The following CPN1 variants were observed in gnomAD, a reference collection of about 807,000 sequenced individuals.
CPN1 encodes carboxypeptidase N catalytic chain.
A neutral mutation model predicts 46.4 loss-of-function variants in CPN1; 37 were observed. The ratio of observed to expected loss-of-function variants is 0.80; its 90% CI spans 0.61 to 1.05. CPN1 has a LOEUF of 1.05. CPN1 is among the 50% of genes least tolerant of loss of function. The pLI, the probability that CPN1 is intolerant of heterozygous loss-of-function variation, is 0.00. For synonymous variants in CPN1, 224 were observed against 235.4 expected, an observed-to-expected ratio of 0.95 and a Z score of 0.44; for missense variants, 563 against 602.6, an observed-to-expected ratio of 0.93 and a Z score of 0.69.
intron 8 of CPN1, among the ~76,000 whole-genome samples, chr10:100,044,558 T>C (rs533803063): frequency 6.6e-6 from 1 of 152,028 alleles, no homozygotes; most frequent in South Asian, 2.1e-4. Flanking sequence ...AACTGTTTTG[T>C]AGAGATATGA....
intron 5 of CPN1, among the ~76,000 whole-genome samples, chr10:100,061,302 G>C (rs2041416156): frequency 6.6e-6 from 1 of 152,134 alleles, no homozygotes; most frequent in South Asian, 2.1e-4. Context: ...ATTACACATT[G>C]CATGCCTGTA....
At chr10:100,051,639 T>C (rs1474466023) in intron 7 of CPN1, among the ~76,000 whole-genome samples, 3 of 151,982 alleles carry the variant, frequency 2.0e-5, no homozygotes, top group African/African-American at 7.2e-5. Flanking sequence ...GCGATTCTCC[T>C]GCCTCAGCCT....
intron 3 of CPN1, among the ~76,000 whole-genome samples, chr10:100,068,885 C>T (rs945273453): frequency 2.0e-5 from 3 of 152,148 alleles, no homozygotes; most frequent in Non-Finnish European, 4.4e-5. Context: ...CAGCTTATCA[C>T]GAGTAAGACA....
chr10:100,053,427 C>A (rs897323402), intron 7 of CPN1, among the ~76,000 whole-genome samples: 6 of 152,070 alleles, frequency 3.9e-5, no homozygotes, highest in African/African-American at 1.2e-4. Context: ...AGCTTGAAAC[C>A]AGCCTGGGCA....
intron 5 of CPN1, among the ~76,000 whole-genome samples, chr10:100,059,194 T>C (rs1490455013): frequency 6.6e-6 from 1 of 152,030 alleles, no homozygotes; most frequent in Non-Finnish European, 1.5e-5. Context: ...AGATTAGACT[T>C]CATGAAAATG....
intron 3 of CPN1, 30 bp downstream of exon 3, chr10:100,069,684 C>A: frequency 1.2e-6 from 2 of 1,613,718 alleles, no homozygotes; most frequent in Non-Finnish European, 1.7e-6. Context: ...TGCTGATTTA[C>A]CTGCTTTGTT....
In CPN1 at chr10:100,047,824, A is replaced by T. The variant is rs1406974538; in HGVS notation, c.1230+934T>A. 1.8e-4 allele frequency among the ~76,000 whole-genome samples: 9 copies of T among 50,242 alleles called. No individual in the cohort carries two copies. In the South Asian group the frequency reaches 2.2e-3, roughly 12 times the overall value. 33.0% of individuals were successfully genotyped at this position (50,242 alleles called of 152,430 possible). Reference sequence around the variant, plus strand: ...AACATGGAAAAACCCCATTTCTACTAAAAAAAACCCACCAAAAATTAGCCA... The same window carrying T: ...AACATGGAAAAACCCCATTTCTACTTAAAAAAACCCACCAAAAATTAGCCA... On this transcript the variant is annotated intron_variant, in intron 8 of 8. Coordinates refer to ENST00000370418, the MANE Select transcript of CPN1 (RefSeq NM_001308.3).
intron 2 of CPN1, among the ~76,000 whole-genome samples, chr10:100,072,249 C>T (rs1283384595): frequency 6.6e-6 from 1 of 152,140 alleles, no homozygotes; most frequent in Non-Finnish European, 1.5e-5. Flanking sequence ...GATCATGGCT[C>T]ACTGCAGCCT....
intron 5 of CPN1, among the ~76,000 whole-genome samples, chr10:100,060,431 A>G (rs761275510): frequency 1.1e-4 from 17 of 151,990 alleles, no homozygotes; most frequent in Non-Finnish European, 2.2e-4. Context: ...GTGTGGTGGC[A>G]GGTCCCTGTA....
At chr10:100,054,088 A>G (rs1212705605) in intron 7 of CPN1, among the ~76,000 whole-genome samples, 1 of 152,216 alleles carries the variant, frequency 6.6e-6, no homozygotes, top group Non-Finnish European at 1.5e-5. Context: ...CATTTACATC[A>G]GTCTTTCCTG....
intron 5 of CPN1, among the ~76,000 whole-genome samples, chr10:100,057,573 T>A (rs1175207207): frequency 6.6e-6 from 1 of 152,020 alleles, no homozygotes; most frequent in Non-Finnish European, 1.5e-5. Context: ...TATTTGGAGG[T>A]TGGGACCAGT....
rs2041464043 is a variant in CPN1, at chr10:100,068,016, G to A, written c.576+1698C>T. Among the ~76,000 whole-genome samples the A allele has an allele frequency of 2.6e-5, 4 of 151,858 alleles. No homozygotes were observed. In the South Asian group the frequency reaches 8.3e-4, roughly 32 times the overall value. Reference sequence around the variant, plus strand: ...AAAATACAAAAATTGGCCAGGGGTGGTGGCACGTGCCTGTAATCCCAGCTA... The same window carrying A: ...AAAATACAAAAATTGGCCAGGGGTGATGGCACGTGCCTGTAATCCCAGCTA... On this transcript the variant is annotated intron_variant, in intron 3 of 8. Transcript: ENST00000370418.
intron 1 of CPN1, among the ~76,000 whole-genome samples, chr10:100,078,983 T>C (rs1211025514): frequency 1.3e-5 from 2 of 152,218 alleles, no homozygotes; most frequent in Non-Finnish European, 2.9e-5. Flanking sequence ...CTCCAGAGCA[T>C]TGCCTTTGCT....
chr10:100,057,060 G>A lies in CPN1; in HGVS notation c.964C>T (p.Arg322Trp), dbSNP rs201387563. The change falls in exon 6 of 9, where the codon CGG (arginine) becomes TGG (tryptophan). Residue 322 changes from arginine (R) to tryptophan (W), a missense_variant. Physicochemically the swap from Arg to Trp is moderately radical, Grantham distance 101 (BLOSUM62 -3). Transcript: ENST00000370418. ...DKFPPEEELQ[R>W]EWLGNREALI... Reference sequence around the variant, plus strand: ...GCTTCCCGATTACCCAGCCACTCCCGCTGTAACTCCTCTTCGGGGGGAAAC... The same window carrying A: ...GCTTCCCGATTACCCAGCCACTCCCACTGTAACTCCTCTTCGGGGGGAAAC... The A allele has an allele frequency of 1.7e-5, 28 of 1,614,068 alleles. No individual in the cohort carries two copies. Among genetic ancestry groups the A allele is most frequent in the South Asian group, 3.3e-5 (3 of 91,084 alleles).
intron 1 of CPN1, among the ~76,000 whole-genome samples, chr10:100,076,810 C>T (rs905288551): frequency 6.6e-6 from 1 of 152,092 alleles, no homozygotes; most frequent in Admixed American, 6.5e-5. Context: ...AGCTCGTTCT[C>T]CATTGTCCCC....
chr10:100,065,530 G>A, intron 3 of CPN1, 160 bp from the exon 4 acceptor site: 1 of 747,090 alleles, frequency 1.3e-6, no homozygotes. Context: ...GGGAAATGTT[G>A]ACCTTTGGAA....
chr10:100,047,652 A>G (rs1227135495), intron 8 of CPN1, among the ~76,000 whole-genome samples: 1 of 152,130 alleles, frequency 6.6e-6, no homozygotes, highest in Non-Finnish European at 1.5e-5. Flanking sequence ...GCTCCTGTGT[A>G]TACACGTTAA....
chr10:100,057,233 T>G, intron 5 of CPN1, 81 bp from the exon 6 acceptor site: 3 of 1,495,918 alleles, frequency 2.0e-6, no homozygotes, highest in Non-Finnish European at 2.7e-6. Context: ...TCTCTCTTTT[T>G]AAAATTTTCT....
intron 8 of CPN1, among the ~76,000 whole-genome samples, chr10:100,045,505 C>T (rs2041302833): frequency 6.6e-6 from 1 of 152,160 alleles, no homozygotes; most frequent in African/African-American, 2.4e-5. Context: ...TCTGGAAATT[C>T]TCAAAGGACT....
Sources: gnomAD v4.1 joint callset for allele counts (sites outside exome capture counted in the v4.1 genomes callset) on GRCh38, gnomAD v4.1.1 for gene constraint, MANE v1.5 for transcripts, NCBI Gene and HGNC (gene_info 2026-07-23, HGNC 2026-07-21) for gene names.